YWHAE: variants seen among roughly 807,000 people sequenced by gnomAD.
YWHAE encodes 14-3-3 protein epsilon.
In YWHAE, 4 loss-of-function variants were observed where a neutral mutation model predicts 30.1. That is an observed-to-expected ratio of 0.13 (90% CI 0.07 to 0.30). The LOEUF is 0.30. Among genes scored for constraint, YWHAE ranks in the 10% least tolerant of loss-of-function variants. YWHAE has a pLI of 1.00. For missense variants in YWHAE, 121 were observed against 315.9 expected, an observed-to-expected ratio of 0.38 and a Z score of 4.68; for synonymous variants, 118 against 111.8, an observed-to-expected ratio of 1.06 and a Z score of -0.35.
chr17:1,362,459 G>A (rs921944585), intron 2 of YWHAE, among the ~76,000 whole-genome samples: 1 of 152,140 alleles, frequency 6.6e-6, no homozygotes, highest in Non-Finnish European at 1.5e-5. Context: ...CAGGCAGGCT[G>A]CAAGGGACAG....
At chr17:1,370,661 C>T (rs2073026668) in intron 1 of YWHAE, among the ~76,000 whole-genome samples, 1 of 152,092 alleles carries the variant, frequency 6.6e-6, no homozygotes, top group Non-Finnish European at 1.5e-5. Context: ...AAACTCCTGA[C>T]CTCAGGTGAT....
intron 1 of YWHAE, among the ~76,000 whole-genome samples, chr17:1,393,167 TAAATA>T (rs1677742470): frequency 1.1e-5 from 1 of 87,934 alleles, no homozygotes; most frequent in African/African-American, 5.5e-5. Flanking sequence ...AATAAATAAA[TAAATA>T]AAATTTAAAA....
intron 3 of YWHAE, 128 bp from the exon 4 acceptor site, chr17:1,361,426 C>T: frequency 1.4e-6 from 1 of 694,684 alleles, no homozygotes; most frequent in Non-Finnish European, 2.2e-6. Context: ...ATTAGGTGTA[C>T]TTCAATAATT....
At chr17:1,362,137 C>G (rs2072873978) in intron 2 of YWHAE, 129 bp from the exon 3 acceptor site, 1 of 550,748 alleles carries the variant, frequency 1.8e-6, no homozygotes, top group Admixed American at 3.7e-5. Flanking sequence ...CTCCAAACTC[C>G]CTTCTTCCTT....
At chr17:1,346,237 T>A (rs1348296410) in intron 5 of YWHAE, among the ~76,000 whole-genome samples, 2 of 152,144 alleles carry the variant, frequency 1.3e-5, no homozygotes, top group African/African-American at 4.8e-5. Context: ...GGTTGGAGGG[T>A]CATCTACCTA....
intron 1 of YWHAE, among the ~76,000 whole-genome samples, chr17:1,378,016 T>G (rs2066484059): frequency 6.6e-6 from 1 of 152,232 alleles, no homozygotes; most frequent in South Asian, 2.1e-4. Context: ...GTCACTGCAC[T>G]CCAGCCTGGG....
At chr17:1,390,484 C>T (rs904223807) in intron 1 of YWHAE, among the ~76,000 whole-genome samples, 1 of 152,160 alleles carries the variant, frequency 6.6e-6, no homozygotes, top group African/African-American at 2.4e-5. Context: ...TGACCTTTCA[C>T]ATTAGATAAG....
chr17:1,387,432 T>G (rs2073315666), intron 1 of YWHAE, among the ~76,000 whole-genome samples: 1 of 152,194 alleles, frequency 6.6e-6, no homozygotes, highest in Non-Finnish European at 1.5e-5. Flanking sequence ...TTTACAGTTT[T>G]TATGGAATTA....
intron 1 of YWHAE, among the ~76,000 whole-genome samples, chr17:1,389,796 C>T (rs958015190): frequency 1.3e-5 from 2 of 151,966 alleles, no homozygotes; most frequent in Non-Finnish European, 2.9e-5. Context: ...TCCCAAAGTC[C>T]TGGGATTACA....
At chr17:1,356,063 G>A (rs1226220845) in intron 4 of YWHAE, among the ~76,000 whole-genome samples, 1 of 152,128 alleles carries the variant, frequency 6.6e-6, no homozygotes, top group East Asian at 1.9e-4. Flanking sequence ...CAGCTACTTG[G>A]GAGGATGAGG....
chr17:1,370,106 AC>A (rs2073007801), intron 1 of YWHAE, among the ~76,000 whole-genome samples: 1 of 132,542 alleles, frequency 7.5e-6, no homozygotes, highest in South Asian at 2.4e-4. Flanking sequence ...GACAGCATTT[AC>A]CCACAGAAAA....
rs529069864 is a variant in YWHAE, at chr17:1,371,072, G to T, written c.65-6014C>A. Among the ~76,000 whole-genome samples, 12 of 152,036 alleles carry T rather than the reference G, an allele frequency of 7.9e-5. No individual in the cohort carries two copies. In the South Asian group the frequency reaches 2.5e-3, roughly 32 times the overall value. On this transcript the variant is annotated intron_variant, in intron 1 of 5. Transcript: ENST00000264335. ...GAGCTCCAGGGTGACCAAGTACTGT[G>T]TGTGAGTGTGTGGTAGTGTGTGTGT...
At position 1,344,344 on chromosome 17, in the gene YWHAE, C is replaced by T. The variant is rs940114899; in HGVS notation, c.*1103G>A. The T allele has an allele frequency of 5.9e-6, 1 of 168,608 alleles. No homozygotes were observed. The highest frequency in any genetic ancestry group is 2.4e-5 in the African/African-American group (1 of 41,904). The allele number at this position is 168,608 out of a possible 1,614,324, so 10.4% of individuals were successfully genotyped here. Reference sequence around the variant, plus strand: ...GCTGCCTGGTCTGGAGGACAAGACACACCATCAACTGACTCAGTGTTCTTC... The same window carrying T: ...GCTGCCTGGTCTGGAGGACAAGACATACCATCAACTGACTCAGTGTTCTTC... On this transcript the variant is annotated 3_prime_UTR_variant, in exon 6 of 6. Coordinates refer to ENST00000264335, the MANE Select transcript of YWHAE (RefSeq NM_006761.5).
At chr17:1,398,514 T>C (rs2073511075) in intron 1 of YWHAE, among the ~76,000 whole-genome samples, 1 of 152,046 alleles carries the variant, frequency 6.6e-6, no homozygotes, top group Non-Finnish European at 1.5e-5. Flanking sequence ...CATGACTAAA[T>C]CCGCATTTCG....
intron 1 of YWHAE, among the ~76,000 whole-genome samples, chr17:1,397,953 T>C (rs2073499281): frequency 6.6e-6 from 1 of 152,140 alleles, no homozygotes; most frequent in African/African-American, 2.4e-5. Context: ...CCATGTTCAA[T>C]AACCAATAAG....
intron 4 of YWHAE, among the ~76,000 whole-genome samples, chr17:1,355,116 TAAAAAAAAAAAAAAAAAAAA>T (rs869230957): frequency 4.7e-4 from 8 of 17,186 alleles, no homozygotes; most frequent in South Asian, 3.1e-3. Context: ...CAAGATTTTT[TAAAAAAAAAAAAAAAAAAAA>T]AAAAAAAAAA....
At chr17:1,369,297 C>G (rs960503606) in intron 1 of YWHAE, among the ~76,000 whole-genome samples, 2 of 152,162 alleles carry the variant, frequency 1.3e-5, no homozygotes, top group Non-Finnish European at 2.9e-5. Flanking sequence ...AGATCAAGAA[C>G]AGCCTGGCCA....
At chr17:1,369,068 T>C (rs1240541431) in intron 1 of YWHAE, among the ~76,000 whole-genome samples, 2 of 152,226 alleles carry the variant, frequency 1.3e-5, no homozygotes, top group Non-Finnish European at 2.9e-5. Flanking sequence ...CTGTTCCAGA[T>C]TCAAGCATAA....
At chr17:1,394,253 C>T (rs2131433) in intron 1 of YWHAE, among the ~76,000 whole-genome samples, 87,121 of 151,714 alleles carry the variant, frequency 0.57, 27,754 homozygotes, top group African/African-American at 0.85. Context: ...AATCTTGTTA[C>T]ATAAATTAAA....
Sources: allele counts gnomAD v4.1 joint callset (sites outside exome capture counted in the v4.1 genomes callset), GRCh38; gene constraint gnomAD v4.1.1; transcripts MANE v1.5; gene names NCBI Gene and HGNC (gene_info 2026-07-23, HGNC 2026-07-21).